Variants in DAP3 observed in about 807,000 individuals in gnomAD.
The protein encoded by DAP3 is small ribosomal subunit protein mS29.
Under a neutral mutation model 51.9 loss-of-function variants are expected in DAP3, and 28 were observed. The observed-to-expected ratio is 0.54, with a 90% CI of 0.40 to 0.74. The LOEUF is 0.74. Among genes scored for constraint, DAP3 ranks in the 30% least tolerant of loss-of-function variants. The pLI is 0.00. For synonymous variants in DAP3, 170 were observed against 170.3 expected, an observed-to-expected ratio of 1.00 and a Z score of 0.01; for missense variants, 458 against 483.5, an observed-to-expected ratio of 0.95 and a Z score of 0.49.
chr1:155,731,986 C>G lies in DAP3; in HGVS notation c.946C>G (p.Leu316Val). 7.4e-6 allele frequency: 12 copies of G among 1,612,258 alleles called. No individual in the cohort carries two copies. The highest frequency in any genetic ancestry group is 1.0e-5 in the Non-Finnish European group (12 of 1,179,214). ...IVSALSQTGS[L>V]FKPRKAYLPQ... Reference sequence around the variant, plus strand: ...GTCGGCTTTGAGCCAGACTGGGTCTCTCTTTAAGCCCCGGAAAGCCTATCT... The same window carrying G: ...GTCGGCTTTGAGCCAGACTGGGTCTGTCTTTAAGCCCCGGAAAGCCTATCT... Residue 316 changes from leucine (L) to valine (V), a missense_variant, in exon 11 of 13, where the codon CTC becomes GTC. By Grantham distance (32) the Leu-to-Val change is conservative (BLOSUM62 1). Transcript: ENST00000368336.
chr1:155,720,394 G>A (rs532331040), intron 3 of DAP3, among the ~76,000 whole-genome samples: 38 of 141,890 alleles, frequency 2.7e-4, no homozygotes, highest in Non-Finnish European at 5.0e-4. Context: ...TGTAATCCCA[G>A]CACTTTGGGA....
chr1:155,718,604 A>G (rs1219280921), intron 3 of DAP3, among the ~76,000 whole-genome samples: 2 of 151,716 alleles, frequency 1.3e-5, no homozygotes, highest in African/African-American at 4.8e-5. Context: ...GGAGAATGGT[A>G]TGAACCTGGA....
chr1:155,688,326 G>A, upstream of DAP3: 4 of 1,549,018 alleles, frequency 2.6e-6, no homozygotes, highest in Admixed American at 3.9e-5. Flanking sequence ...AAATGGCGGC[G>A]GCAGCGGCGG....
chr1:155,715,153 A>G (rs1177863353), intron 2 of DAP3, among the ~76,000 whole-genome samples: 1 of 151,280 alleles, frequency 6.6e-6, no homozygotes, highest in African/African-American at 2.4e-5. Flanking sequence ...CAGAGAGCCA[A>G]GATTGTGCCA....
chr1:155,691,465 C>T (rs1653810721), intron 1 of DAP3, among the ~76,000 whole-genome samples: 1 of 142,192 alleles, frequency 7.0e-6, no homozygotes, highest in African/African-American at 3.2e-5. Context: ...CATTATATGG[C>T]TATACCACGT....
intron 11 of DAP3, 185 bp from the exon 12 acceptor site, chr1:155,736,761 T>TAGCC (rs1659847191): frequency 1.6e-6 from 1 of 606,138 alleles, no homozygotes; most frequent in Admixed American, 2.9e-5. Flanking sequence ...AGAGCACGAG[T>TAGCC]AGCCAGCCAC....
chr1:155,717,392 A>G (rs949620415), intron 3 of DAP3, among the ~76,000 whole-genome samples: 3 of 152,158 alleles, frequency 2.0e-5, no homozygotes, highest in African/African-American at 7.2e-5. Flanking sequence ...TTTGCTGAGC[A>G]TAGAGTTGTC....
chr1:155,731,085 C>T (rs932036599), intron 9 of DAP3, among the ~76,000 whole-genome samples: 3 of 151,892 alleles, frequency 2.0e-5, no homozygotes, highest in African/African-American at 7.3e-5. Flanking sequence ...CTGGCTAACA[C>T]GGGGAAACCC....
chr1:155,730,410 A>C (rs1201284891), intron 9 of DAP3, among the ~76,000 whole-genome samples: 1 of 151,890 alleles, frequency 6.6e-6, no homozygotes, highest in Non-Finnish European at 1.5e-5. Flanking sequence ...TTGGAGTTTG[A>C]GGTCAGCCTG....
intron 1 of DAP3, among the ~76,000 whole-genome samples, chr1:155,690,733 A>G (rs1342630235): frequency 7.1e-6 from 1 of 141,496 alleles, no homozygotes; most frequent in Non-Finnish European, 1.5e-5. Context: ...TCTTCTGTAA[A>G]TTTACACTTT....
At chr1:155,731,862 A>G in intron 10 of DAP3, 82 bp from the exon 11 acceptor site, 1 of 1,203,730 alleles carries the variant, frequency 8.3e-7, no homozygotes, top group South Asian at 1.6e-5. Context: ...CCCAAGAAAG[A>G]AAAAAAAAAT....
chr1:155,736,205 T>A (rs1446982350), intron 11 of DAP3, among the ~76,000 whole-genome samples: 1 of 152,112 alleles, frequency 6.6e-6, no homozygotes, highest in African/African-American at 2.4e-5. Flanking sequence ...TTGGCCAGGC[T>A]GATCTCGAAC....
intron 9 of DAP3, 60 bp from the exon 10 acceptor site, chr1:155,731,296 C>T (rs914625275): frequency 8.7e-6 from 13 of 1,496,426 alleles, no homozygotes; most frequent in Admixed American, 3.6e-5. Context: ...TCAATTGTTT[C>T]GGGAGAACAT....
intron 1 of DAP3, 107 bp downstream of exon 1, chr1:155,689,281 G>A (rs1364113050): frequency 7.7e-6 from 5 of 647,990 alleles, no homozygotes; most frequent in Non-Finnish European, 1.4e-5. Flanking sequence ...CGCCTCCGGG[G>A]GGGATTCCTC....
chr1:155,721,403 T>TAGAC, intron 3 of DAP3, 114 bp from the exon 4 acceptor site: 1 of 338,818 alleles, frequency 3.0e-6, no homozygotes, highest in Admixed American at 4.5e-5. Flanking sequence ...TATGTATGTA[T>TAGAC]ATATATATAT....
intron 2 of DAP3, among the ~76,000 whole-genome samples, chr1:155,715,886 T>C (rs1657274214): frequency 6.6e-6 from 1 of 152,214 alleles, no homozygotes; most frequent in South Asian, 2.1e-4. Flanking sequence ...ACATACTCCC[T>C]TATTACATGT....
At chr1:155,718,695 A>G (rs370653783) in intron 3 of DAP3, among the ~76,000 whole-genome samples, 4 of 124,098 alleles carry the variant, frequency 3.2e-5, no homozygotes, top group Non-Finnish European at 7.1e-5. Context: ...CAAAAAAAAA[A>G]AAAGAAAGAA....
intron 6 of DAP3, 34 bp downstream of exon 6, chr1:155,726,053 G>C: frequency 6.4e-7 from 1 of 1,556,140 alleles, no homozygotes; most frequent in East Asian, 2.3e-5. Context: ...CTGTCTGTTA[G>C]GTTTAGTTAT....
chr1:155,737,038 A>T lies in DAP3; in HGVS notation c.1086A>T (p.Glu362Asp), dbSNP rs1659877371. Residue 362 changes from glutamate to aspartate, a missense_variant, in exon 12 of 13, where the codon GAA (glutamate) becomes GAT (aspartate). Physicochemically the swap from Glu to Asp is conservative, Grantham distance 45. Coordinates refer to ENST00000368336, the MANE Select transcript of DAP3 (RefSeq NM_004632.4). Reference sequence around the variant, plus strand: ...AAAGTTGTATTCAGTATTATTTGGAAAACAATTGGCTTCAACATGAGAAAG... The same window carrying T: ...AAAGTTGTATTCAGTATTATTTGGATAACAATTGGCTTCAACATGAGAAAG... Reference protein sequence around the residue: ...EFESCIQYYLENNWLQHEKAP... With the variant: ...EFESCIQYYLDNNWLQHEKAP... The T allele has an allele frequency of 6.2e-7, 1 of 1,613,706 alleles. No individual in the cohort carries two copies. Among genetic ancestry groups the T allele is most frequent in the South Asian group, 1.1e-5 (1 of 91,074 alleles).
Sources: gnomAD v4.1 joint callset for allele counts (sites outside exome capture counted in the v4.1 genomes callset) on GRCh38, gnomAD v4.1.1 for gene constraint, MANE v1.5 for transcripts, NCBI Gene and HGNC (gene_info 2026-07-23, HGNC 2026-07-21) for gene names.